Variants in ADAMTSL3 observed in about 807,000 individuals in gnomAD.
The protein encoded by ADAMTSL3 is ADAMTS like 3.
Under a neutral mutation model 201.7 loss-of-function variants are expected in ADAMTSL3, and 128 were observed. That is an observed-to-expected ratio of 0.63 (90% CI 0.55 to 0.73). The LOEUF (loss-of-function observed/expected upper bound fraction) is 0.73, where lower values mean the gene tolerates loss of function less well. Ranked by LOEUF, ADAMTSL3 falls within the 30% of genes least tolerant of loss-of-function variation. The probability of loss-of-function intolerance (pLI) is 0.00; values close to 1 mark genes in which losing one functional copy is unlikely to be tolerated. For synonymous variants in ADAMTSL3, 738 were observed against 748.4 expected (o/e 0.99, Z 0.23); for missense variants, 1,990 against 2,119.6 (o/e 0.94, Z 1.20).
At chr15:84,021,885 C>T (rs1023132122) in intron 26 of ADAMTSL3, among the ~76,000 whole-genome samples, 1 of 152,130 alleles carries the variant, frequency 6.6e-6, no homozygotes, top group Non-Finnish European at 1.5e-5. Flanking sequence ...ACCAAACCTG[C>T]TTCCTGCACA....
At chr15:83,943,216 G>A (rs2066596504) in intron 19 of ADAMTSL3, 134 bp downstream of exon 19, 1 of 1,006,280 alleles carries the variant, frequency 9.9e-7, no homozygotes, top group East Asian at 2.7e-5. Flanking sequence ...ATTTAAGGAG[G>A]TGCTCACTCA....
chr15:83,754,400 C>T (rs913675204), intron 3 of ADAMTSL3, among the ~76,000 whole-genome samples: 6 of 151,912 alleles, frequency 3.9e-5, no homozygotes, highest in African/African-American at 9.7e-5. Context: ...AAGCGTTCAC[C>T]GGAGAGAGCT....
intron 4 of ADAMTSL3, among the ~76,000 whole-genome samples, chr15:83,782,515 G>A (rs1266290527): frequency 1.3e-5 from 2 of 152,012 alleles, no homozygotes; most frequent in African/African-American, 4.8e-5. Flanking sequence ...AGAAAATGTG[G>A]TACATATGCC....
chr15:83,845,900 C>A (rs2064487956), intron 7 of ADAMTSL3, among the ~76,000 whole-genome samples: 1 of 152,132 alleles, frequency 6.6e-6, no homozygotes. Context: ...GCACTGACCC[C>A]CTCATTGGTA....
At chr15:83,701,975 G>T (rs1334915577) in intron 2 of ADAMTSL3, among the ~76,000 whole-genome samples, 1 of 152,192 alleles carries the variant, frequency 6.6e-6, no homozygotes, top group Non-Finnish European at 1.5e-5. Flanking sequence ...ACTCCGGAGA[G>T]ACTTGTTGAT....
At chr15:83,672,789 C>T (rs542617593) in intron 2 of ADAMTSL3, among the ~76,000 whole-genome samples, 2 of 152,204 alleles carry the variant, frequency 1.3e-5, no homozygotes, top group African/African-American at 4.8e-5. Flanking sequence ...CCATGACTCT[C>T]CAAGGGAAAC....
At chr15:84,014,866 C>T (rs574351052) in intron 24 of ADAMTSL3, 142 bp downstream of exon 24, 51 of 827,488 alleles carry the variant, frequency 6.2e-5, no homozygotes, top group Admixed American at 1.2e-4. Context: ...TGCTTAAAAA[C>T]GAGCACTAAA....
intron 3 of ADAMTSL3, chr15:83,740,062 A>T (rs1027681053): frequency 1.5e-5 from 5 of 327,372 alleles, no homozygotes; most frequent in Non-Finnish European, 3.2e-5. Context: ...GCATTGCATC[A>T]CAGGTAAGGA....
intron 19 of ADAMTSL3, among the ~76,000 whole-genome samples, chr15:83,966,386 A>T (rs188565447): frequency 4.6e-5 from 7 of 152,238 alleles, no homozygotes; most frequent in Non-Finnish European, 7.3e-5. Flanking sequence ...ATCATCAGAG[A>T]ATACTATAAA....
At chr15:83,830,201 G>A (rs2064125785) in intron 6 of ADAMTSL3, among the ~76,000 whole-genome samples, 1 of 152,188 alleles carries the variant, frequency 6.6e-6, no homozygotes, top group South Asian at 2.1e-4. Context: ...GTCAATCTAA[G>A]TTGATGTTTG....
intron 6 of ADAMTSL3, among the ~76,000 whole-genome samples, chr15:83,825,263 C>T (rs2063996583): frequency 6.6e-6 from 1 of 152,066 alleles, no homozygotes; most frequent in Admixed American, 6.6e-5. Context: ...TGTTGTTTTC[C>T]AAGTTCTTGA....
intron 19 of ADAMTSL3, among the ~76,000 whole-genome samples, chr15:83,966,327 C>T (rs934219295): frequency 6.6e-6 from 1 of 152,014 alleles, no homozygotes; most frequent in Admixed American, 6.6e-5. Context: ...ATCAAATAGA[C>T]ACAATAAAAA....
chr15:83,672,406 T>C (rs979030882), intron 2 of ADAMTSL3, among the ~76,000 whole-genome samples: 5 of 152,170 alleles, frequency 3.3e-5, no homozygotes, highest in Non-Finnish European at 7.4e-5. Flanking sequence ...CATCTTTTGC[T>C]AAGGTGAAGG....
chr15:83,814,951 T>C (rs1180096968), intron 5 of ADAMTSL3, among the ~76,000 whole-genome samples: 1 of 152,202 alleles, frequency 6.6e-6, no homozygotes, highest in African/African-American at 2.4e-5. Flanking sequence ...CCCCAGGTTT[T>C]ACATATCCCC....
chr15:83,993,661 C>T (rs2067625050), intron 23 of ADAMTSL3, among the ~76,000 whole-genome samples: 1 of 152,086 alleles, frequency 6.6e-6, no homozygotes, highest in Non-Finnish European at 1.5e-5. Context: ...TTTCTTTTAA[C>T]TATATTGAAT....
intron 6 of ADAMTSL3, among the ~76,000 whole-genome samples, chr15:83,822,951 G>C (rs538484050): frequency 1.3e-5 from 2 of 152,094 alleles, no homozygotes; most frequent in African/African-American, 4.8e-5. Flanking sequence ...CCGGCACCTC[G>C]GGAGGCGGAG....
chr15:83,929,148 A>G (rs1018449169), intron 17 of ADAMTSL3, among the ~76,000 whole-genome samples: 1 of 152,116 alleles, frequency 6.6e-6, no homozygotes, highest in Non-Finnish European at 1.5e-5. Flanking sequence ...ACCTTCAACA[A>G]CACTCCTTTA....
intron 4 of ADAMTSL3, among the ~76,000 whole-genome samples, chr15:83,795,011 C>T (rs1354881993): frequency 2.6e-5 from 4 of 151,990 alleles, no homozygotes; most frequent in Non-Finnish European, 4.4e-5. Context: ...CGCCACCATG[C>T]CCGGCTAATT....
At chr15:83,708,602 A>G (rs1318440485) in intron 3 of ADAMTSL3, among the ~76,000 whole-genome samples, 1 of 152,232 alleles carries the variant, frequency 6.6e-6, no homozygotes, top group Non-Finnish European at 1.5e-5. Context: ...TGCTTCTACC[A>G]CTAATCAGCT....
Sources: gnomAD v4.1 joint callset for allele counts (sites outside exome capture counted in the v4.1 genomes callset) on GRCh38, gnomAD v4.1.1 for gene constraint, MANE v1.5 for transcripts, NCBI Gene and HGNC (gene_info 2026-07-23, HGNC 2026-07-21) for gene names.